ATG5: variants seen among roughly 807,000 people sequenced by gnomAD.
ATG5 encodes autophagy related 5.
ATG5 carries 14 observed loss-of-function variants against 36.5 expected under a neutral mutation model. The ratio of observed to expected loss-of-function variants is 0.38; its 90% CI spans 0.25 to 0.60. ATG5 has a LOEUF of 0.60. Among genes scored for constraint, ATG5 ranks in the 20% least tolerant of loss-of-function variants. The pLI is 0.60. For missense variants in ATG5, 195 were observed against 326.7 expected (o/e 0.60, Z 3.11); for synonymous variants, 95 against 101.5 (o/e 0.94, Z 0.38).
chr6:106,195,873 G>T (rs1043890216), intron 7 of ATG5, among the ~76,000 whole-genome samples: 4 of 147,622 alleles, frequency 2.7e-5, no homozygotes, highest in African/African-American at 9.9e-5. Context: ...AGAAAAGGAT[G>T]TACACGTAGA....
chr6:106,301,619 A>C (rs886210433), intron 3 of ATG5, among the ~76,000 whole-genome samples: 6 of 152,056 alleles, frequency 3.9e-5, no homozygotes, highest in Non-Finnish European at 7.4e-5. Flanking sequence ...GTTTAAGTAC[A>C]AAGAAAAATG....
chr6:106,229,815 A>G (rs1230288717), intron 6 of ATG5, among the ~76,000 whole-genome samples: 1 of 152,258 alleles, frequency 6.6e-6, no homozygotes, highest in Non-Finnish European at 1.5e-5. Context: ...CTAACAGAAA[A>G]AAGTAGAAAA....
At chr6:106,229,370 C>G (rs1777577153) in intron 6 of ATG5, among the ~76,000 whole-genome samples, 3 of 151,544 alleles carry the variant, frequency 2.0e-5, no homozygotes, top group South Asian at 4.2e-4. Flanking sequence ...AGAGAGGAAA[C>G]AGAGAGAGAC....
At chr6:106,294,828 G>A (rs1780471207) in intron 3 of ATG5, among the ~76,000 whole-genome samples, 1 of 138,126 alleles carries the variant, frequency 7.2e-6, no homozygotes, top group Non-Finnish European at 1.5e-5. Context: ...GGACGACAGA[G>A]TGAGACCTTT....
At chr6:106,226,140 C>A (rs865927295) in intron 6 of ATG5, among the ~76,000 whole-genome samples, 1 of 152,072 alleles carries the variant, frequency 6.6e-6, no homozygotes, top group African/African-American at 2.4e-5. Flanking sequence ...AGGCCCCTGG[C>A]AAAGATTGGA....
At chr6:106,219,097 C>T (rs1310317746) in intron 6 of ATG5, among the ~76,000 whole-genome samples, 2 of 152,034 alleles carry the variant, frequency 1.3e-5, no homozygotes, top group Admixed American at 6.6e-5. Context: ...AAATTTTAAA[C>T]GAGCAGAATA....
chr6:106,207,979 C>G (rs1424959259), intron 6 of ATG5, among the ~76,000 whole-genome samples: 1 of 152,148 alleles, frequency 6.6e-6, no homozygotes, highest in Non-Finnish European at 1.5e-5. Flanking sequence ...GTAATCCCAG[C>G]TACTCGGGAG....
intron 7 of ATG5, among the ~76,000 whole-genome samples, chr6:106,200,184 A>G (rs916019106): frequency 4.6e-5 from 7 of 152,200 alleles, no homozygotes; most frequent in African/African-American, 1.4e-4. Context: ...TTTGGGCTCC[A>G]TATTCTTTGC....
At chr6:106,224,650 C>T (rs1018822818) in intron 6 of ATG5, among the ~76,000 whole-genome samples, 11 of 152,028 alleles carry the variant, frequency 7.2e-5, no homozygotes, top group East Asian at 5.8e-4. Flanking sequence ...CCTGGGTGGG[C>T]GGATCACCTG....
intron 4 of ATG5, among the ~76,000 whole-genome samples, chr6:106,281,938 C>T (rs1464828983): frequency 6.6e-6 from 1 of 152,068 alleles, no homozygotes; most frequent in South Asian, 2.1e-4. Context: ...TGTTGAGTGC[C>T]TTTTCATGTT....
chr6:106,205,078 T>C (rs1244080066), intron 6 of ATG5, among the ~76,000 whole-genome samples: 2 of 152,222 alleles, frequency 1.3e-5, no homozygotes, highest in Non-Finnish European at 2.9e-5. Context: ...TAATGCTTTT[T>C]AGCAAAGGAA....
chr6:106,293,158 A>G (rs758046255), intron 3 of ATG5, 52 bp from the exon 4 acceptor site: 33 of 1,452,014 alleles, frequency 2.3e-5, no homozygotes, highest in Non-Finnish European at 3.2e-5. Flanking sequence ...AGTTATAACT[A>G]CAAGGCCAAA....
chr6:106,227,364 G>A (rs1052169889), intron 6 of ATG5, among the ~76,000 whole-genome samples: 4 of 152,234 alleles, frequency 2.6e-5, no homozygotes, highest in Admixed American at 6.5e-5. Flanking sequence ...GGGTGGCCAA[G>A]GTGGGAGGAT....
intron 5 of ATG5, among the ~76,000 whole-genome samples, chr6:106,255,855 G>C (rs1778779872): frequency 6.6e-6 from 1 of 152,090 alleles, no homozygotes; most frequent in African/African-American, 2.4e-5. Context: ...TGGTAGGCCA[G>C]GACTAATTAT....
chr6:106,204,042 A>C (rs1776533814), intron 6 of ATG5, among the ~76,000 whole-genome samples: 1 of 152,152 alleles, frequency 6.6e-6, no homozygotes, highest in Admixed American at 6.5e-5. Flanking sequence ...ACACATGGAC[A>C]CAGGCAGGGG....
At chr6:106,302,084 G>A (rs890397222) in intron 3 of ATG5, among the ~76,000 whole-genome samples, 9 of 151,872 alleles carry the variant, frequency 5.9e-5, no homozygotes, top group Non-Finnish European at 7.4e-5. Flanking sequence ...TGGCACAAAC[G>A]TAGAAATGAT....
At chr6:106,230,576 A>G (rs1437063662) in intron 6 of ATG5, among the ~76,000 whole-genome samples, 1 of 152,194 alleles carries the variant, frequency 6.6e-6, no homozygotes, top group Non-Finnish European at 1.5e-5. Flanking sequence ...AGGAATAAGC[A>G]TTAGGACCAT....
At chr6:106,203,832 G>C (rs1258083570) in intron 6 of ATG5, among the ~76,000 whole-genome samples, 2 of 152,182 alleles carry the variant, frequency 1.3e-5, no homozygotes, top group African/African-American at 4.8e-5. Context: ...CAAACACTTA[G>C]GCATTAGCGA....
chr6:106,189,363 G>A (rs1367974776), intron 7 of ATG5, among the ~76,000 whole-genome samples: 1 of 152,076 alleles, frequency 6.6e-6, no homozygotes, highest in Non-Finnish European at 1.5e-5. Flanking sequence ...CCAGCACTTT[G>A]GGAGGTCAAG....
Sources: gnomAD v4.1 joint callset for allele counts (sites outside exome capture counted in the v4.1 genomes callset) on GRCh38, gnomAD v4.1.1 for gene constraint, MANE v1.5 for transcripts, NCBI Gene and HGNC (gene_info 2026-07-23, HGNC 2026-07-21) for gene names.